Variants in PLCL1 observed in about 807,000 individuals in gnomAD.
The protein encoded by PLCL1 is inactive phospholipase C-like protein 1.
In PLCL1, 41 loss-of-function variants were observed where a neutral mutation model predicts 84.4. The observed-to-expected ratio is 0.49, with a 90% CI of 0.38 to 0.63. PLCL1 has a LOEUF of 0.63. PLCL1 is among the 30% of genes least tolerant of loss of function. The pLI is 0.00. For synonymous variants in PLCL1, 490 were observed against 488.3 expected, an observed-to-expected ratio of 1.00 and a Z score of -0.05; for missense variants, 1,206 against 1,367.8, an observed-to-expected ratio of 0.88 and a Z score of 1.87.
At chr2:197,810,231 A>G in intron 1 of PLCL1, 1 of 1,045,160 alleles carries the variant, frequency 9.6e-7, no homozygotes. Flanking sequence ...ACATGGTCAC[A>G]TTTCACCTTA....
At chr2:197,955,305 G>A (rs1347617929) in intron 1 of PLCL1, among the ~76,000 whole-genome samples, 3 of 151,960 alleles carry the variant, frequency 2.0e-5, no homozygotes, top group African/African-American at 7.2e-5. Flanking sequence ...CAGCTTTGCA[G>A]TGATGGTCCT....
At chr2:198,050,786 C>T (rs1691908347) in intron 1 of PLCL1, among the ~76,000 whole-genome samples, 1 of 152,160 alleles carries the variant, frequency 6.6e-6, no homozygotes, top group African/African-American at 2.4e-5. Flanking sequence ...ATTGTTCTCT[C>T]CTTTGCCTCT....
intron 3 of PLCL1, among the ~76,000 whole-genome samples, chr2:198,101,075 G>A (rs756529240): frequency 1.3e-5 from 2 of 152,064 alleles, no homozygotes; most frequent in African/African-American, 4.8e-5. Flanking sequence ...TGTTACACAA[G>A]AGAGTAATCA....
At chr2:197,905,640 T>A (rs1688367819) in intron 1 of PLCL1, among the ~76,000 whole-genome samples, 1 of 152,216 alleles carries the variant, frequency 6.6e-6, no homozygotes, top group Non-Finnish European at 1.5e-5. Flanking sequence ...TCAAATGGTA[T>A]TTCTGGTTCT....
rs561611953 is a variant in PLCL1, at chr2:197,807,348, A to C, written c.240+2009A>C. ...AACTATAGCAGCTCCTGATTTCTAC[A>C]AAAAAATCTGGCTAGAGTTTTACAA... On this transcript the variant is annotated intron_variant, in intron 1 of 5. Coordinates refer to ENST00000428675, the MANE Select transcript of PLCL1 (RefSeq NM_006226.4). Among the ~76,000 whole-genome samples, 17 of 152,356 alleles carry C rather than the reference A, an allele frequency of 1.1e-4. No individual in the cohort carries two copies. In the East Asian group the frequency reaches 2.9e-3, roughly 26 times the overall value.
intron 1 of PLCL1, among the ~76,000 whole-genome samples, chr2:197,879,662 G>A (rs1167930623): frequency 6.6e-6 from 1 of 152,106 alleles, no homozygotes; most frequent in Non-Finnish European, 1.5e-5. Flanking sequence ...AATTTTAAAT[G>A]TTCAATTATT....
intron 1 of PLCL1, among the ~76,000 whole-genome samples, chr2:197,959,320 C>T (rs1210624506): frequency 1.3e-5 from 2 of 151,992 alleles, no homozygotes; most frequent in Non-Finnish European, 2.9e-5. Context: ...CCAGAATTCC[C>T]TCTTGCTTGG....
chr2:197,969,626 A>G (rs1024914939), intron 1 of PLCL1, among the ~76,000 whole-genome samples: 19 of 152,006 alleles, frequency 1.2e-4, no homozygotes, highest in East Asian at 1.9e-4. Context: ...CTTAATACAT[A>G]TGGTAATCAT....
intron 1 of PLCL1, among the ~76,000 whole-genome samples, chr2:198,045,453 A>G (rs1691764655): frequency 6.6e-6 from 1 of 152,224 alleles, no homozygotes; most frequent in South Asian, 2.1e-4. Flanking sequence ...TTTGTAATTT[A>G]GATAGGTTGT....
At chr2:197,936,766 T>G (rs1689062832) in intron 1 of PLCL1, among the ~76,000 whole-genome samples, 1 of 152,200 alleles carries the variant, frequency 6.6e-6, no homozygotes, top group African/African-American at 2.4e-5. Flanking sequence ...TAATTCCGTT[T>G]GTCTATTTTT....
chr2:198,008,782 A>G (rs1384482933), intron 1 of PLCL1, among the ~76,000 whole-genome samples: 2 of 151,866 alleles, frequency 1.3e-5, no homozygotes, highest in Non-Finnish European at 1.5e-5. Flanking sequence ...CCTCCATGCT[A>G]TTTTCTGTAA....
At chr2:197,926,812 G>C (rs1321200760) in intron 1 of PLCL1, among the ~76,000 whole-genome samples, 2 of 152,106 alleles carry the variant, frequency 1.3e-5, no homozygotes, top group African/African-American at 2.4e-5. Flanking sequence ...CATTTTTGTG[G>C]GTTGACTTGG....
chr2:198,137,458 A>G (rs1383200154), intron 5 of PLCL1, among the ~76,000 whole-genome samples: 1 of 152,232 alleles, frequency 6.6e-6, no homozygotes, highest in Non-Finnish European at 1.5e-5. Flanking sequence ...TAAATCCTAA[A>G]TAGAGAAAAC....
At chr2:197,922,017 T>TTA (rs1553502539) in intron 1 of PLCL1, among the ~76,000 whole-genome samples, 1 of 139,240 alleles carries the variant, frequency 7.2e-6, no homozygotes, top group Admixed American at 7.2e-5. Flanking sequence ...TTTTTTTTTT[T>TTA]AAATTTATTT....
chr2:198,026,462 T>TG (rs1691268137), intron 1 of PLCL1, among the ~76,000 whole-genome samples: 2 of 152,210 alleles, frequency 1.3e-5, no homozygotes, highest in African/African-American at 4.8e-5. Flanking sequence ...GTTGTTATCA[T>TG]TTCTATGTTA....
intron 1 of PLCL1, among the ~76,000 whole-genome samples, chr2:197,991,256 T>C (rs1331161972): frequency 6.6e-6 from 1 of 152,168 alleles, no homozygotes; most frequent in African/African-American, 2.4e-5. Context: ...TGGACTGGGA[T>C]TTATAATTTG....
chr2:198,088,774 A>T (rs574180998), intron 2 of PLCL1, 84 bp from the exon 3 acceptor site: 15 of 825,306 alleles, frequency 1.8e-5, no homozygotes, highest in Non-Finnish European at 3.2e-5. Flanking sequence ...TTTAAAAATG[A>T]ATGTACTTTT....
chr2:197,977,081 C>A (rs920608570), intron 1 of PLCL1, among the ~76,000 whole-genome samples: 1 of 152,188 alleles, frequency 6.6e-6, no homozygotes, highest in African/African-American at 2.4e-5. Context: ...ATCTCCAATT[C>A]TAGGTATCAC....
intron 1 of PLCL1, among the ~76,000 whole-genome samples, chr2:197,809,401 C>A (rs1381277936): frequency 6.6e-6 from 1 of 152,148 alleles, no homozygotes; most frequent in African/African-American, 2.4e-5. Context: ...TGAAACAGCC[C>A]GAACACGTGA....
Sources: allele counts gnomAD v4.1 joint callset (sites outside exome capture counted in the v4.1 genomes callset), GRCh38; gene constraint gnomAD v4.1.1; transcripts MANE v1.5; gene names NCBI Gene and HGNC (gene_info 2026-07-23, HGNC 2026-07-21).